SYNE2: variants seen among roughly 807,000 people sequenced by gnomAD.
The protein encoded by SYNE2 is nesprin-2.
Under a neutral mutation model 856.3 loss-of-function variants are expected in SYNE2, and 431 were observed. The ratio of observed to expected loss-of-function variants is 0.50; its 90% CI spans 0.47 to 0.55. The LOEUF (loss-of-function observed/expected upper bound fraction) is 0.55. SYNE2 is among the 20% of genes least tolerant of loss of function. The probability of loss-of-function intolerance (pLI) is 0.00; values close to 1 mark genes in which losing one functional copy is unlikely to be tolerated. For synonymous variants in SYNE2, 2,923 were observed against 2,872.3 expected (o/e 1.02, Z -0.56); for missense variants, 8,129 against 8,023.2 (o/e 1.01, Z -0.50).
Position 64,142,086 on chromosome 14 carries a change from A to T in SYNE2, c.15304A>T (p.Lys5102Ter). 1.2e-6 allele frequency: 2 copies of T among 1,614,100 alleles called. No homozygotes were observed. Among genetic ancestry groups the T allele is most frequent in the Non-Finnish European group, 1.7e-6 (2 of 1,179,984 alleles). The change falls in exon 82 of 116, where the codon AAG becomes TAG. Residue 5102 changes from lysine (K) to a stop codon, truncating the protein, a stop_gained and splice_region_variant. Transcript: ENST00000555002. LOFTEE classifies it high-confidence loss of function. ...AGTTAAACATCTTCTTCAGAAGCAC[A>T]AGGTAATTATGCAAAAGGAGCAGAA... Reference protein sequence around the residue: ...SQVKHLLQKHKEFRMEMDYKQ... With the variant: ...SQVKHLLQKH
At chr14:64,046,016 G>T (rs2097183729) in intron 45 of SYNE2, among the ~76,000 whole-genome samples, 1 of 152,092 alleles carries the variant, frequency 6.6e-6, no homozygotes, top group South Asian at 2.1e-4. Flanking sequence ...TCACAAATTT[G>T]ATACCTCAAA....
At chr14:63,854,573 G>T (rs1019458045) in intron 1 of SYNE2, among the ~76,000 whole-genome samples, 3 of 152,216 alleles carry the variant, frequency 2.0e-5, no homozygotes, top group African/African-American at 4.8e-5. Flanking sequence ...TTTTTTCGTG[G>T]TGAAGAATGG....
At chr14:64,104,680 A>G (rs1195472289) in intron 64 of SYNE2, among the ~76,000 whole-genome samples, 1 of 151,770 alleles carries the variant, frequency 6.6e-6, no homozygotes, top group Middle Eastern at 3.2e-3. Flanking sequence ...TGAACTCCTG[A>G]CCTCAGATGA....
At chr14:63,957,548 G>A (rs1468950313) in intron 8 of SYNE2, among the ~76,000 whole-genome samples, 1 of 151,946 alleles carries the variant, frequency 6.6e-6, no homozygotes, top group East Asian at 1.9e-4. Flanking sequence ...GATTACAGAT[G>A]TGAGCCACCA....
intron 1 of SYNE2, among the ~76,000 whole-genome samples, chr14:63,793,548 A>T (rs1887809818): frequency 1.3e-5 from 2 of 151,774 alleles, no homozygotes; most frequent in African/African-American, 2.4e-5. Flanking sequence ...TGAAATGTCA[A>T]CTCTCAACTT....
At position 64,120,926 on chromosome 14, in the gene SYNE2, G is replaced by A. The variant is rs1304697032; in HGVS notation, c.13024-1G>A. ...GCCTGCCATTATGAAATGTTTTGCA[G>A]CATCCTACCATTCTAAAGAAATCCT... is the stretch of plus-strand genomic sequence containing the variant. On this transcript the variant is annotated splice_acceptor_variant, in intron 67 of 115. Coordinates refer to ENST00000555002, the MANE Select transcript of SYNE2 (RefSeq NM_182914.3). LOFTEE classifies it high-confidence loss of function. The A allele has an allele frequency of 6.2e-7, 1 of 1,613,976 alleles. No homozygotes were observed. The highest frequency in any genetic ancestry group is 1.7e-5 in the Admixed American group (1 of 60,002).
chr14:63,803,682 A>G (rs12892053), intron 1 of SYNE2, among the ~76,000 whole-genome samples: 96,171 of 152,042 alleles, frequency 0.63, 30,881 homozygotes, highest in South Asian at 0.75. Flanking sequence ...AGTGGGCTCA[A>G]GCCTTGGCCA....
chr14:64,089,421 T>TTATTTATCTATA (rs1285520952), intron 58 of SYNE2, among the ~76,000 whole-genome samples, 153 bp from the exon 59 acceptor site: 2 of 150,604 alleles, frequency 1.3e-5, no homozygotes, highest in African/African-American at 4.9e-5. Context: ...TGAACATTAT[T>TTATTTATCTATA]TATTTATCTA....
At chr14:63,769,152 T>A (rs1271636979) in intron 1 of SYNE2, among the ~76,000 whole-genome samples, 3 of 152,180 alleles carry the variant, frequency 2.0e-5, no homozygotes, top group Non-Finnish European at 4.4e-5. Context: ...CAAGCTTAAC[T>A]TGTAGGAAGT....
chr14:64,190,286 T>C (rs1217424790), intron 99 of SYNE2, 49 bp downstream of exon 99: 3 of 1,610,240 alleles, frequency 1.9e-6, no homozygotes, highest in Non-Finnish European at 2.5e-6. Context: ...GTAATTACTT[T>C]ACAGATCTAG....
intron 100 of SYNE2, among the ~76,000 whole-genome samples, chr14:64,204,975 T>G (rs886751613): frequency 1.3e-5 from 2 of 152,154 alleles, no homozygotes; most frequent in Non-Finnish European, 2.9e-5. Flanking sequence ...CACATGCGCC[T>G]TCTTCTGCCT....
intron 1 of SYNE2, among the ~76,000 whole-genome samples, chr14:63,895,775 C>CCAA (rs2095241685): frequency 1.1e-5 from 1 of 92,624 alleles, no homozygotes; most frequent in Non-Finnish European, 2.0e-5. Flanking sequence ...TCCAAATCTC[C>CCAA]AAAAAAAAAA....
intron 1 of SYNE2, among the ~76,000 whole-genome samples, chr14:63,794,691 A>G (rs1887855806): frequency 6.6e-6 from 1 of 152,202 alleles, no homozygotes; most frequent in Non-Finnish European, 1.5e-5. Flanking sequence ...AGAAATGCAA[A>G]TTACAACCAC....
In SYNE2 at chr14:64,136,426, G is replaced by A. The variant is rs28526278; in HGVS notation, c.14647-1361G>A. ...TTTTAATACAGATGCTCAGACACGGGGGGGAGGGGATTACAAATGGGAGTG... is the reference window on the plus strand; with the variant it reads ...TTTTAATACAGATGCTCAGACACGGAGGGGAGGGGATTACAAATGGGAGTG... On this transcript the variant is annotated intron_variant, in intron 78 of 115. Coordinates refer to ENST00000555002, the MANE Select transcript of SYNE2 (RefSeq NM_182914.3). Among the ~76,000 whole-genome samples, 44 of 151,864 alleles carry A rather than the reference G, an allele frequency of 2.9e-4. No homozygotes were observed. In the South Asian group the frequency reaches 8.4e-3, roughly 29 times the overall value.
chr14:63,992,137 G>T (rs2096671553), intron 21 of SYNE2, among the ~76,000 whole-genome samples: 1 of 151,550 alleles, frequency 6.6e-6, no homozygotes, highest in South Asian at 2.1e-4. Context: ...TTACTCCTAG[G>T]TTCCTGAAAG....
In SYNE2 at chr14:64,208,882, C is replaced by T. The variant is rs1248550076; in HGVS notation, c.18326C>T (p.Thr6109Ile). 6.2e-7 allele frequency: 1 copy of T among 1,614,090 alleles called. No homozygotes were observed. The highest frequency in any genetic ancestry group is 1.7e-5 in the Admixed American group (1 of 60,010). The change falls in exon 101 of 116, where the codon ACC becomes ATC. Residue 6109 changes from threonine (T) to isoleucine (I), a missense_variant. Physicochemically the swap from Thr to Ile is moderately conservative, Grantham distance 89 (BLOSUM62 -1). This residue lies in a region of SYNE2 where 5,410 missense variants were observed against 5,284.8 expected (regional missense o/e 1.02). Transcript: ENST00000555002. ...NETECDSIQQ[T>I]TRSLDRRWRN... ...ACCGAGTGTGACTCGATCCAGCAGA[C>T]CACCAGGAGCCTGGACAGACGCTGG...
intron 76 of SYNE2, among the ~76,000 whole-genome samples, chr14:64,130,883 C>CAAAAAAAAAAAAA (rs34083068): frequency 1.0e-5 from 1 of 99,562 alleles, no homozygotes. Flanking sequence ...GACTCTATCT[C>CAAAAAAAAAAAAA]AAAAAAAAAA....
intron 99 of SYNE2, chr14:64,190,690 G>T: frequency 1.4e-6 from 1 of 691,390 alleles, no homozygotes; most frequent in Admixed American, 2.1e-5. Flanking sequence ...GCAGGGGCAG[G>T]AGTCTACTCT....
Position 64,202,815 on chromosome 14 carries a change from A to G in SYNE2, c.18053A>G (p.Lys6018Arg). The G allele has an allele frequency of 6.2e-7, 1 of 1,614,154 alleles. No individual in the cohort carries two copies. Among genetic ancestry groups the G allele is most frequent in the South Asian group, 1.1e-5 (1 of 91,078 alleles). Residue 6018 changes from lysine to arginine, a missense_variant, in exon 100 of 116, where the codon AAG (lysine) becomes AGG (arginine). This residue lies in a region of SYNE2 where 5,410 missense variants were observed against 5,284.8 expected (regional missense o/e 1.02). Coordinates refer to ENST00000555002, the MANE Select transcript of SYNE2 (RefSeq NM_182914.3). ...AATATGTGTAGGGTGAAGAAGCTGA[A>G]GGAGACCTTTGCTTTTATTCAGCAG... ...DVIGSRVKKL[K>R]ETFAFIQQLD...
Sources: allele counts gnomAD v4.1 joint callset (sites outside exome capture counted in the v4.1 genomes callset), GRCh38; gene constraint gnomAD v4.1.1; regional missense constraint gnomAD v4.1.1; transcripts MANE v1.5; gene names NCBI Gene and HGNC (gene_info 2026-07-23, HGNC 2026-07-21).